The following ABCG5 variants were observed in gnomAD, a reference collection of about 807,000 sequenced individuals.
ABCG5 encodes the protein ATP-binding cassette sub-family G member 5.
In ABCG5, 64 loss-of-function variants were observed where a neutral mutation model predicts 64.5. That is an observed-to-expected ratio of 0.99 (90% CI 0.81 to 1.22). The LOEUF (loss-of-function observed/expected upper bound fraction) is 1.22. Ranked by LOEUF, ABCG5 falls within the 50% of genes most tolerant of loss-of-function variation. The probability of loss-of-function intolerance (pLI) is 0.00; values close to 1 mark genes in which losing one functional copy is unlikely to be tolerated. For missense variants in ABCG5, 908 were observed against 829.5 expected (o/e 1.09, Z -1.16); for synonymous variants, 385 against 326.3 (o/e 1.18, Z -1.94).
chr2:43,821,699 CTTG>C (rs1667215207), intron 10 of ABCG5, among the ~76,000 whole-genome samples: 1 of 152,108 alleles, frequency 6.6e-6, no homozygotes, highest in East Asian at 1.9e-4. Context: ...CTAAGATTTC[CTTG>C]TTGTGTCTTG....
chr2:43,837,801 A>C (rs1348604553), intron 2 of ABCG5, 33 bp downstream of exon 2: 1 of 1,613,146 alleles, frequency 6.2e-7, no homozygotes. Flanking sequence ...ACTCAAGCCA[A>C]ATCCTTTTTA....
chr2:43,813,414 G>C (rs1572736052), intron 12 of ABCG5, 105 bp from the exon 13 acceptor site: 1 of 809,186 alleles, frequency 1.2e-6, no homozygotes, highest in East Asian at 2.7e-5. Context: ...AAAAATACAG[G>C]ACACTTTAGC....
Position 43,824,959 on chromosome 2 carries a change from C to T in ABCG5, c.834G>A (p.Ala278=), listed in dbSNP as rs373182673. The change falls in exon 7 of 13, where the codon GCG becomes GCA. Residue 278 remains alanine (A), a synonymous_variant. Coordinates refer to ENST00000405322, the MANE Select transcript of ABCG5 (RefSeq NM_022436.3). Reference sequence around the variant, plus strand: ...AGTCATTGAAGAAATCAAGCATTTCCGCTGGCGTGCCACAGAAAATCAGCT... The same window carrying T: ...AGTCATTGAAGAAATCAAGCATTTCTGCTGGCGTGCCACAGAAAATCAGCT... ...FGELIFCGTP[A]EMLDFFNDCG... 37 of 1,613,860 alleles carry T rather than the reference C, an allele frequency of 2.3e-5. No individual in the cohort carries two copies. Among genetic ancestry groups the T allele is most frequent in the South Asian group, 7.7e-5 (7 of 91,056 alleles).
downstream of ABCG5, chr2:43,809,565 A>C: frequency 3.0e-6 from 2 of 676,546 alleles, no homozygotes; most frequent in Non-Finnish European, 5.2e-6. Context: ...CATTTACAAA[A>C]TAATTGGCAA....
chr2:43,811,632 G>C (rs920016405), downstream of ABCG5, among the ~76,000 whole-genome samples: 1 of 149,968 alleles, frequency 6.7e-6, no homozygotes. Context: ...GTCTTGCTCT[G>C]TCGCCAGGCT....
chr2:43,829,895 A>G (rs941823720), intron 4 of ABCG5, among the ~76,000 whole-genome samples: 1 of 152,256 alleles, frequency 6.6e-6, no homozygotes, highest in African/African-American at 2.4e-5. Flanking sequence ...CACCCAAAGA[A>G]TGGACATATC....
chr2:43,818,827 C>A (rs1018790978), intron 11 of ABCG5, among the ~76,000 whole-genome samples: 13 of 152,108 alleles, frequency 8.5e-5, no homozygotes, highest in African/African-American at 3.1e-4. Flanking sequence ...TGATTATTTC[C>A]GTTCCTTCTC....
In ABCG5 at chr2:43,838,600, C is replaced by G. The variant is rs56204478; in HGVS notation, c.80G>C (p.Gly27Ala). 6,194 of 1,611,906 alleles carry G rather than the reference C, an allele frequency of 3.8e-3. 17 individuals are homozygous for G. Among genetic ancestry groups the G allele is most frequent in the Non-Finnish European group, 4.8e-3 (5,688 of 1,179,446 alleles). ...VNRGSQSSLE[G>A]APATAPEPHS... ...AGGCTCCGGGGCGGTGGCAGGAGCC[C>G]CCTCCAGGGAGCTCTGGGAGCCTCT... Residue 27 changes from glycine (G) to alanine (A), a missense_variant, in exon 1 of 13, where the codon GGG becomes GCG. Coordinates refer to ENST00000405322, the MANE Select transcript of ABCG5 (RefSeq NM_022436.3). The surrounding 1 kb of genome is among the most constrained non-coding windows in gnomAD (Gnocchi z 4.2).
At chr2:43,827,873 G>T in intron 5 of ABCG5, 110 bp downstream of exon 5, 1 of 1,518,992 alleles carries the variant, frequency 6.6e-7, no homozygotes, top group Middle Eastern at 1.9e-4. Flanking sequence ...GATTTCAGTT[G>T]TACACAAACC....
chr2:43,834,892 C>T (rs140206352), intron 2 of ABCG5, among the ~76,000 whole-genome samples: 94 of 152,284 alleles, frequency 6.2e-4, no homozygotes, highest in African/African-American at 2.2e-3. Flanking sequence ...TCATCTTTTG[C>T]CTCGCTAATG....
intron 2 of ABCG5, among the ~76,000 whole-genome samples, chr2:43,835,212 T>C (rs1329571468): frequency 6.6e-6 from 1 of 151,068 alleles, no homozygotes; most frequent in Non-Finnish European, 1.5e-5. Context: ...CCTCCTGCTG[T>C]CCTGCTGTAT....
intron 2 of ABCG5, among the ~76,000 whole-genome samples, chr2:43,835,752 G>A (rs1305496977): frequency 1.3e-5 from 2 of 152,122 alleles, no homozygotes; most frequent in East Asian, 3.9e-4. Flanking sequence ...GCCATGCAAG[G>A]TTAGGGTGAG....
Position 43,819,955 on chromosome 2 carries a change from G to A in ABCG5, c.1609C>T (p.Leu537=). ...CCAACAAGCACCCCCGCAATGGACA[G>A]CAGAGCCACTACACTGTTGACTATA... is the stretch of plus-strand genomic sequence containing the variant. ...PNIVNSVVAL[L]SIAGVLVGSG... Residue 537 remains leucine (L), a synonymous_variant, in exon 11 of 13, where the codon CTG becomes TTG. Transcript: ENST00000405322. 1 of 1,614,138 alleles carries A rather than the reference G, an allele frequency of 6.2e-7. No homozygotes were observed. Among genetic ancestry groups the A allele is most frequent in the South Asian group, 1.1e-5 (1 of 91,086 alleles).
rs1667320624 is a variant in ABCG5 at position 43,822,809 on chromosome 2, C to G, written c.1451G>C (p.Ser484Thr). 3.1e-6 allele frequency: 5 copies of G among 1,614,178 alleles called. No individual in the cohort carries two copies. The highest frequency in any genetic ancestry group is 4.2e-6 in the Non-Finnish European group (5 of 1,180,024). ...AACAACCCCTCACCAGTAGCACACA[C>G]TGCTGAAAATCATGGTGGCAACAAC... ...FSVVATMIFSSVCYWTLGLHP... is the reference protein window; with the variant it reads ...FSVVATMIFSTVCYWTLGLHP... Residue 484 changes from serine to threonine, a missense_variant, in exon 10 of 13, where the codon AGT (serine) becomes ACT (threonine). Ser to Thr is a moderately conservative substitution (Grantham distance 58). Transcript: ENST00000405322.
chr2:43,823,011 G>A (rs750158170), intron 9 of ABCG5, 76 bp from the exon 10 acceptor site: 183 of 1,579,246 alleles, frequency 1.2e-4, no homozygotes, highest in Non-Finnish European at 1.5e-4. Flanking sequence ...CAAGCTGAAT[G>A]TGAGGTCTGT....
chr2:43,824,548 T>C (rs1457828496), intron 7 of ABCG5, 116 bp from the exon 8 acceptor site: 5 of 1,587,110 alleles, frequency 3.2e-6, no homozygotes, highest in Non-Finnish European at 3.4e-6. Context: ...AAGATAAAAT[T>C]TGTGGTTAAT....
chr2:43,821,453 G>A (rs139171412), intron 10 of ABCG5, among the ~76,000 whole-genome samples: 1 of 152,132 alleles, frequency 6.6e-6, no homozygotes, highest in South Asian at 2.1e-4. Flanking sequence ...AAATGGTTTC[G>A]CTCCCAGGAT....
At chr2:43,824,615 A>G (rs1667474332) in intron 7 of ABCG5, 183 bp from the exon 8 acceptor site, 1 of 985,332 alleles carries the variant, frequency 1.0e-6, no homozygotes, top group Admixed American at 6.1e-5. Flanking sequence ...TGAGGATCCC[A>G]TTGGGATTGT....
Position 43,824,265 on chromosome 2 carries a change from T to C in ABCG5, c.1072A>G (p.Thr358Ala). ...GAGAAAACTCCAGGAGAATCTTTGG[T>C]TTTGAAAGGAACCATTGGTAACGTT... is the stretch of plus-strand genomic sequence containing the variant. ...LKTLPMVPFK[T>A]KDSPGVFSKL... Residue 358 changes from threonine to alanine, a missense_variant, in exon 8 of 13, where the codon ACC becomes GCC. Thr to Ala is a moderately conservative substitution (Grantham distance 58). Coordinates refer to ENST00000405322, the MANE Select transcript of ABCG5 (RefSeq NM_022436.3). The C allele has an allele frequency of 6.2e-7, 1 of 1,614,242 alleles. No homozygotes were observed. Among genetic ancestry groups the C allele is most frequent in the Non-Finnish European group, 8.5e-7 (1 of 1,180,038 alleles).
Sources: gnomAD v4.1 joint callset for allele counts (sites outside exome capture counted in the v4.1 genomes callset) on GRCh38, gnomAD v4.1.1 for gene constraint, Gnocchi (gnomAD v3.1) non-coding constraint, MANE v1.5 for transcripts, NCBI Gene and HGNC (gene_info 2026-07-23, HGNC 2026-07-21) for gene names.